PTCHD1: variants seen among roughly 807,000 people sequenced by gnomAD.
PTCHD1 encodes patched domain containing 1.
PTCHD1 carries 3 observed loss-of-function variants against 34.6 expected under a neutral mutation model. That is an observed-to-expected ratio of 0.09 (90% confidence interval 0.04 to 0.22). PTCHD1 has a LOEUF of 0.22. Among genes scored for constraint, PTCHD1 ranks in the 10% least tolerant of loss-of-function variants. PTCHD1 has a pLI of 1.00. For missense variants in PTCHD1, 504 were observed against 685.5 expected (o/e 0.74, Z 2.96); for synonymous variants, 305 against 283.1 (o/e 1.08, Z -0.77).
In PTCHD1 at chrX:23,392,619, C is replaced by A. The variant is rs1922867022; in HGVS notation, c.1101C>A (p.Val367=). The change falls in exon 3 of 3, where the codon GTC becomes GTA. Residue 367 remains valine (V), a synonymous_variant. Coordinates refer to ENST00000379361, the MANE Select transcript of PTCHD1 (RefSeq NM_173495.3). ...DQHVKERTAA[V]YADSMLSFSL... ...ATGTTAAAGAGAGAACTGCAGCAGT[C>A]TATGCAGACTCCATGCTCTCCTTTT... The A allele has an allele frequency of 8.3e-7, 1 of 1,204,804 alleles. No individual in the cohort carries two copies. Among genetic ancestry groups the A allele is most frequent in the Non-Finnish European group, 1.1e-6 (1 of 890,182 alleles).
intron 1 of PTCHD1, among the ~76,000 whole-genome samples, chrX:23,361,392 A>G (rs1486217352): frequency 9.0e-6 from 1 of 111,535 alleles, no homozygotes; most frequent in Non-Finnish European, 1.9e-5. Flanking sequence ...TGATCCTTTT[A>G]CTATTATGTA....
At chrX:23,374,280 C>A (rs925107673) in intron 1 of PTCHD1, among the ~76,000 whole-genome samples, 3 of 24,544 alleles carry the variant, frequency 1.2e-4, no homozygotes, top group African/African-American at 9.6e-5. Context: ...GAAACAAATA[C>A]AAAAAAAAAA....
intron 1 of PTCHD1, among the ~76,000 whole-genome samples, chrX:23,378,426 T>G (rs1291856631): frequency 8.9e-6 from 1 of 112,259 alleles, no homozygotes; most frequent in African/African-American, 3.2e-5. Flanking sequence ...TTTTCTTATC[T>G]TAGACAGTAG....
chrX:23,378,081 C>T (rs59828982), intron 1 of PTCHD1, among the ~76,000 whole-genome samples: 1,269 of 112,086 alleles, frequency 0.011, 23 homozygotes, highest in African/African-American at 0.039. Context: ...TACTAGTTTA[C>T]TTAACACTCA....
intron 1 of PTCHD1, among the ~76,000 whole-genome samples, chrX:23,342,466 T>C (rs1921368926): frequency 9.3e-6 from 1 of 106,953 alleles, no homozygotes; most frequent in Non-Finnish European, 2.0e-5. Flanking sequence ...TCTAGAGTTA[T>C]ACATCGAGAG....
chrX:23,366,780 C>G (rs919054823), intron 1 of PTCHD1, among the ~76,000 whole-genome samples: 4 of 111,500 alleles, frequency 3.6e-5, no homozygotes, highest in Admixed American at 9.6e-5. Context: ...GTTTGTCTTG[C>G]TCACATGGCT....
chrX:23,334,431 G>C (rs1277329441), upstream of PTCHD1: 4 of 109,857 alleles, frequency 3.6e-5, no homozygotes, highest in African/African-American at 1.3e-4. Flanking sequence ...GCCGCTCCCC[G>C]CGCCACCCCG....
At chrX:23,390,329 GAA>G (rs754868031) in intron 2 of PTCHD1, among the ~76,000 whole-genome samples, 1 of 69,536 alleles carries the variant, frequency 1.4e-5, no homozygotes, top group Non-Finnish European at 2.9e-5. Context: ...ATGGCCCCAG[GAA>G]AAAAAAAAAA....
In PTCHD1 at chrX:23,400,277, T is replaced by C. The variant is rs1159385164; in HGVS notation, c.*6092T>C. On this transcript the variant is annotated 3_prime_UTR_variant, in exon 3 of 3. Transcript: ENST00000379361. ...GCGGGCAGATCACGAGGTTAAGAGATTGAGACCATCCTGGCCAGCATGGTG... is the reference window on the plus strand; with the variant it reads ...GCGGGCAGATCACGAGGTTAAGAGACTGAGACCATCCTGGCCAGCATGGTG... The C allele has an allele frequency of 9.0e-6, 1 of 111,248 alleles. No homozygotes were observed. Among genetic ancestry groups the C allele is most frequent in the Non-Finnish European group, 1.9e-5 (1 of 52,968 alleles). 9.2% of individuals were successfully genotyped at this position (111,248 alleles called of 1,213,427 possible). A position where few individuals can be genotyped will look rare whatever the true frequency, so the allele number is the denominator to read the frequency against.
At position 23,352,577 on chromosome X, in the gene PTCHD1, T is replaced by A. The variant is rs745795748; in HGVS notation, c.351+17351T>A. On this transcript the variant is annotated intron_variant, in intron 1 of 2. Transcript: ENST00000379361. Reference sequence around the variant, plus strand: ...AATAGCTCATCAGAGGGGACTGGAATGACCTAGAATGGCTTAAATAGAGGT... The same window carrying A: ...AATAGCTCATCAGAGGGGACTGGAAAGACCTAGAATGGCTTAAATAGAGGT... Among the ~76,000 whole-genome samples, 9 of 111,692 alleles carry A rather than the reference T, an allele frequency of 8.1e-5. No individual in the cohort carries two copies. The South Asian group carries it at 3.5e-3, about 44-fold the overall frequency.
intron 1 of PTCHD1, among the ~76,000 whole-genome samples, chrX:23,365,259 C>G (rs1922109854): frequency 8.9e-6 from 1 of 111,806 alleles, no homozygotes; most frequent in African/African-American, 3.3e-5. Flanking sequence ...TAGCTTTATT[C>G]CCTAACGGTT....
At chrX:23,378,163 A>G (rs1408674927) in intron 1 of PTCHD1, among the ~76,000 whole-genome samples, 1 of 112,172 alleles carries the variant, frequency 8.9e-6, no homozygotes, top group Non-Finnish European at 1.9e-5. Flanking sequence ...AGCCACCATG[A>G]GGATAAGCTA....
chrX:23,382,485 T>G (rs1922591572), intron 2 of PTCHD1, among the ~76,000 whole-genome samples: 1 of 112,367 alleles, frequency 8.9e-6, no homozygotes, highest in Admixed American at 9.4e-5. Context: ...ATAGTATTGG[T>G]GCAGGGAAGG....
intron 1 of PTCHD1, among the ~76,000 whole-genome samples, chrX:23,342,310 A>ATTTTTT (rs1174366015): frequency 7.7e-5 from 1 of 12,947 alleles, no homozygotes; most frequent in Admixed American, 9.7e-4. Flanking sequence ...ATATATATAT[A>ATTTTTT]TTTTTTTTTT....
intron 1 of PTCHD1, among the ~76,000 whole-genome samples, chrX:23,341,452 C>G (rs998591770): frequency 1.8e-5 from 2 of 112,588 alleles, no homozygotes; most frequent in Non-Finnish European, 3.8e-5. Flanking sequence ...AGCTGATCAA[C>G]TTTGACTTTG....
At chrX:23,344,323 G>A (rs1381377071) in intron 1 of PTCHD1, among the ~76,000 whole-genome samples, 1 of 112,173 alleles carries the variant, frequency 8.9e-6, no homozygotes, top group African/African-American at 3.2e-5. Flanking sequence ...TTAAGGTAAA[G>A]ATAGAATGAG....
chrX:23,397,802 A>T lies in PTCHD1; in HGVS notation c.*3617A>T, dbSNP rs1923027181. On this transcript the variant is annotated 3_prime_UTR_variant, in exon 3 of 3. Coordinates refer to ENST00000379361, the MANE Select transcript of PTCHD1 (RefSeq NM_173495.3). ...AGAGCTCAGCTGTGTCCATCACAAG[A>T]AAAGGTGGAATGGGCAGCTGTCTTG... 1 of 111,339 alleles carries T rather than the reference A, an allele frequency of 9.0e-6. No homozygotes were observed. Among genetic ancestry groups the T allele is most frequent in the Admixed American group, 9.5e-5 (1 of 10,474 alleles). 9.2% of individuals were successfully genotyped at this position (111,339 alleles called of 1,213,427 possible).
chrX:23,340,046 A>G (rs1053775064), intron 1 of PTCHD1, among the ~76,000 whole-genome samples: 1 of 111,925 alleles, frequency 8.9e-6, no homozygotes, highest in African/African-American at 3.2e-5. Flanking sequence ...GGCATGTGCT[A>G]CTGGCATCTA....
intron 1 of PTCHD1, among the ~76,000 whole-genome samples, chrX:23,373,173 G>GT (rs776339968): frequency 8.9e-6 from 1 of 112,776 alleles, no homozygotes; most frequent in East Asian, 2.8e-4. Flanking sequence ...AAGCTGCCTT[G>GT]TTTTTTCAGC....
Sources: gnomAD v4.1 joint callset for allele counts (sites outside exome capture counted in the v4.1 genomes callset) on GRCh38, gnomAD v4.1.1 for gene constraint, MANE v1.5 for transcripts, NCBI Gene and HGNC (gene_info 2026-07-23, HGNC 2026-07-21) for gene names.